NOS1AP: variants seen among roughly 807,000 people sequenced by gnomAD.
NOS1AP encodes the protein nitric oxide synthase 1 adaptor protein.
In NOS1AP, 21 loss-of-function variants were observed where a neutral mutation model predicts 56.2. The ratio of observed to expected loss-of-function variants is 0.37; its 90% CI spans 0.26 to 0.54. NOS1AP has a LOEUF of 0.54. NOS1AP is among the 20% of genes least tolerant of loss of function. The pLI, the probability that NOS1AP is intolerant of heterozygous loss-of-function variation, is 0.84. For missense variants in NOS1AP, 522 were observed against 657.8 expected (o/e 0.79, Z 2.26); for synonymous variants, 270 against 274.6 (o/e 0.98, Z 0.17).
chr1:162,182,908 T>C (rs1332945055), intron 2 of NOS1AP, among the ~76,000 whole-genome samples: 4 of 152,224 alleles, frequency 2.6e-5, no homozygotes, highest in Admixed American at 2.0e-4. Flanking sequence ...AATTCACTTC[T>C]TCCAAGCTCC....
At chr1:162,290,607 T>A (rs1655257527) in intron 3 of NOS1AP, among the ~76,000 whole-genome samples, 1 of 152,204 alleles carries the variant, frequency 6.6e-6, no homozygotes, top group Admixed American at 6.5e-5. Context: ...TAGCTGTAGG[T>A]GTAGAGAGAG....
intron 4 of NOS1AP, among the ~76,000 whole-genome samples, chr1:162,318,455 G>A (rs1179853836): frequency 4.6e-5 from 7 of 152,172 alleles, no homozygotes; most frequent in Admixed American, 4.6e-4. Flanking sequence ...TCTCTGTGAA[G>A]CACTTAATGC....
intron 2 of NOS1AP, among the ~76,000 whole-genome samples, chr1:162,231,333 A>T (rs1238046779): frequency 6.6e-6 from 1 of 152,068 alleles, no homozygotes; most frequent in Non-Finnish European, 1.5e-5. Flanking sequence ...AAATTGGCTT[A>T]TTTGGCTTTT....
intron 1 of NOS1AP, among the ~76,000 whole-genome samples, chr1:162,125,986 C>T (rs926706862): frequency 6.6e-6 from 1 of 152,054 alleles, no homozygotes; most frequent in Admixed American, 6.5e-5. Context: ...AGACATCTTT[C>T]ACCTCCTTGG....
At chr1:162,271,667 A>G (rs1009231504) in intron 2 of NOS1AP, among the ~76,000 whole-genome samples, 5 of 152,210 alleles carry the variant, frequency 3.3e-5, no homozygotes, top group African/African-American at 9.7e-5. Flanking sequence ...CTCTCAGACC[A>G]ATGACTTTCT....
rs151103392 is a variant in NOS1AP, at chr1:162,229,684, A to G, written c.178-57660A>G. Among the ~76,000 whole-genome samples the G allele has an allele frequency of 3.6e-3, 551 of 152,270 alleles. 2 individuals are homozygous for G. Among genetic ancestry groups the G allele is most frequent in the African/African-American group, 0.013 (531 of 41,526 alleles). On this transcript the variant is annotated intron_variant, in intron 2 of 9. Transcript: ENST00000361897. ...AAGTACATAAATGTTTGTTGAATGA[A>G]TGGTAGAAGACATAGCCCTTGATTG...
chr1:162,141,436 A>G (rs2102075149), intron 1 of NOS1AP, among the ~76,000 whole-genome samples: 1 of 152,288 alleles, frequency 6.6e-6, no homozygotes, highest in Non-Finnish European at 1.5e-5. Flanking sequence ...CTTGAGCAAG[A>G]CTCCTGATCA....
chr1:162,144,711 G>A (rs997515475), intron 1 of NOS1AP, among the ~76,000 whole-genome samples: 1 of 152,200 alleles, frequency 6.6e-6, no homozygotes, highest in Non-Finnish European at 1.5e-5. Context: ...ACACGAGCCA[G>A]AGATTTTAAT....
Position 162,367,411 on chromosome 1 carries a change from A to C in NOS1AP, c.1465A>C (p.Asn489His). The stretch of plus-strand genomic sequence containing the variant: ...CCAGGAGGAGCTGCCGCGCCTGCTG[A>C]ATGTCCTGCAGAGGCAGGAACTGGG... The part of the protein sequence containing the change: ...WSQEELPRLL[N>H]VLQRQELGDG... The change falls in exon 10 of 10, where the codon AAT (asparagine) becomes CAT (histidine). Residue 489 changes from asparagine to histidine, a missense_variant. Physicochemically the swap from Asn to His is moderately conservative, Grantham distance 68. This residue lies in a region of NOS1AP where 160 missense variants were observed against 180.3 expected (regional missense o/e 0.89). Transcript: ENST00000361897. The surrounding 1 kb of genome is among the most constrained non-coding windows in gnomAD (Gnocchi z 6.5). 1 of 1,594,714 alleles carries C rather than the reference A, an allele frequency of 6.3e-7. No homozygotes were observed. The highest frequency in any genetic ancestry group is 8.6e-7 in the Non-Finnish European group (1 of 1,168,732).
chr1:162,249,380 G>A (rs1653777114), intron 2 of NOS1AP, among the ~76,000 whole-genome samples: 1 of 152,174 alleles, frequency 6.6e-6, no homozygotes, highest in Non-Finnish European at 1.5e-5. Context: ...ACACAGATGA[G>A]CTGGGTATTT....
intron 1 of NOS1AP, among the ~76,000 whole-genome samples, chr1:162,095,378 A>G (rs1692216904): frequency 6.6e-6 from 1 of 152,164 alleles, no homozygotes; most frequent in African/African-American, 2.4e-5. Flanking sequence ...AAGAAACTAA[A>G]TCACCTGGCA....
In NOS1AP at chr1:162,323,673, A is replaced by G. The variant is rs535519325; in HGVS notation, c.345-9344A>G. ...GTAAAGATTTTTTTGAGCAACTACT[A>G]TGCGGCAGACCCTATATGTAAGTTA... On this transcript the variant is annotated intron_variant, in intron 4 of 9. Transcript: ENST00000361897. Among the ~76,000 whole-genome samples the G allele has an allele frequency of 7.2e-5, 11 of 152,342 alleles. 2 individuals carry two copies. The South Asian group carries it at 2.1e-3, about 29-fold the overall frequency.
intron 2 of NOS1AP, among the ~76,000 whole-genome samples, chr1:162,242,679 GTGGT>G (rs1300019676): frequency 6.6e-6 from 1 of 152,146 alleles, no homozygotes; most frequent in Non-Finnish European, 1.5e-5. Context: ...AAAAACAATG[GTGGT>G]TGTATTACAG....
At chr1:162,184,761 G>C (rs1651372047) in intron 2 of NOS1AP, among the ~76,000 whole-genome samples, 1 of 152,240 alleles carries the variant, frequency 6.6e-6, no homozygotes, top group Non-Finnish European at 1.5e-5. Context: ...CCCTGAGACT[G>C]ACTGAAGTGA....
At chr1:162,218,830 A>G (rs1388500775) in intron 2 of NOS1AP, among the ~76,000 whole-genome samples, 1 of 151,748 alleles carries the variant, frequency 6.6e-6, no homozygotes, top group Non-Finnish European at 1.5e-5. Context: ...GACAGATGCA[A>G]CTCTGGGTAC....
At chr1:162,125,274 C>T (rs1249206709) in intron 1 of NOS1AP, among the ~76,000 whole-genome samples, 1 of 151,922 alleles carries the variant, frequency 6.6e-6, no homozygotes, top group Non-Finnish European at 1.5e-5. Context: ...GCTGGGATTA[C>T]AGGCACCCAC....
At chr1:162,246,258 A>C (rs146437822) in intron 2 of NOS1AP, among the ~76,000 whole-genome samples, 1 of 152,330 alleles carries the variant, frequency 6.6e-6, no homozygotes, top group African/African-American at 2.4e-5. Context: ...ACACACAGGA[A>C]ATAAGATATG....
rs571284113 is a variant in NOS1AP at position 162,113,608 on chromosome 1, A to C, written c.106-40797A>C. The stretch of plus-strand genomic sequence containing the variant: ...GGCAAAGGGGAAGCCAGCACTTTAC[A>C]TGGCCGGAACGGGAGGAAGTGGTGG... On this transcript the variant is annotated intron_variant, in intron 1 of 9. Coordinates refer to ENST00000361897, the MANE Select transcript of NOS1AP (RefSeq NM_014697.3). Among the ~76,000 whole-genome samples the C allele has an allele frequency of 6.6e-5, 10 of 152,294 alleles. No individual in the cohort carries two copies. The South Asian group carries it at 2.1e-3, about 32-fold the overall frequency.
chr1:162,357,029 C>A lies in NOS1AP; in HGVS notation c.832C>A (p.Pro278Thr). 6.2e-7 allele frequency: 1 copy of A among 1,613,964 alleles called. No individual in the cohort carries two copies. The highest frequency in any genetic ancestry group is 8.5e-7 in the Non-Finnish European group (1 of 1,180,048). Reference protein sequence around the residue: ...RMLLPSSSSKPPGLGTETPLS... With the variant: ...RMLLPSSSSKTPGLGTETPLS... ...GCTGCTCCCTTCTTCTTCCTCGAAGCCTCCAGGCCTGGGCACAGAGACACC... is the reference window on the plus strand; with the variant it reads ...GCTGCTCCCTTCTTCTTCCTCGAAGACTCCAGGCCTGGGCACAGAGACACC... Residue 278 changes from proline (P) to threonine (T), a missense_variant, in exon 8 of 10, where the codon CCT (proline) becomes ACT (threonine). This residue lies in a region of NOS1AP where 178 missense variants were observed against 165.0 expected (regional missense o/e 1.08). Coordinates refer to ENST00000361897, the MANE Select transcript of NOS1AP (RefSeq NM_014697.3).
Sources: gnomAD v4.1 joint callset for allele counts (sites outside exome capture counted in the v4.1 genomes callset) on GRCh38, gnomAD v4.1.1 for gene constraint, gnomAD v4.1.1 regional missense constraint, Gnocchi (gnomAD v3.1) non-coding constraint, MANE v1.5 for transcripts, NCBI Gene and HGNC (gene_info 2026-07-23, HGNC 2026-07-21) for gene names.